The following ABCA13 variants were observed in gnomAD, a reference collection of about 807,000 sequenced individuals.
ABCA13 encodes ATP-binding cassette sub-family A member 13.
ABCA13 carries 476 observed loss-of-function variants against 478.7 expected under a neutral mutation model. The ratio of observed to expected loss-of-function variants is 0.99; its 90% CI spans 0.92 to 1.07. The LOEUF is 1.07. Among genes scored for constraint, ABCA13 ranks in the 50% least tolerant of loss-of-function variants. The pLI is 0.00. For missense variants in ABCA13, 6,060 were observed against 5,910.6 expected (o/e 1.03, Z -0.83); for synonymous variants, 2,252 against 2,158.9 (o/e 1.04, Z -1.20).
At chr7:48,385,264 G>A (rs1815005900) in intron 35 of ABCA13, among the ~76,000 whole-genome samples, 1 of 152,138 alleles carries the variant, frequency 6.6e-6, no homozygotes, top group African/African-American at 2.4e-5. Context: ...GTACCCATCA[G>A]TTATTTTTTC....
At chr7:48,193,794 A>G (rs144495862) in intron 2 of ABCA13, among the ~76,000 whole-genome samples, 42,694 of 143,008 alleles carry the variant, frequency 0.3, 6,687 homozygotes, top group East Asian at 0.51. Flanking sequence ...TAGTAATAAT[A>G]ATGGAGATGA....
chr7:48,534,881 C>CT (rs1833466376), intron 55 of ABCA13, among the ~76,000 whole-genome samples: 2 of 152,100 alleles, frequency 1.3e-5, no homozygotes, highest in African/African-American at 4.8e-5. Flanking sequence ...TTTATGGTAT[C>CT]TATTACACTG....
In ABCA13 at chr7:48,622,277, C is replaced by A. The variant is rs529204314; in HGVS notation, c.14837+6900C>A. On this transcript the variant is annotated intron_variant, in intron 59 of 61. Coordinates refer to ENST00000435803, the MANE Select transcript of ABCA13 (RefSeq NM_152701.5). ...ATTATTATTTGTTCTTTCTGCCGAA[C>A]CTTCTCTCTCCTAATCCATTCTCTA... Among the ~76,000 whole-genome samples, 4 of 152,276 alleles carry A rather than the reference C, an allele frequency of 2.6e-5. No homozygotes were observed. In the South Asian group the frequency reaches 6.2e-4, roughly 24 times the overall value.
intron 31 of ABCA13, among the ~76,000 whole-genome samples, chr7:48,360,196 C>T (rs1289742151): frequency 6.8e-6 from 1 of 147,048 alleles, no homozygotes; most frequent in African/African-American, 2.6e-5. Context: ...CCCCCTCCCC[C>T]ACCCCATGAC....
intron 35 of ABCA13, among the ~76,000 whole-genome samples, chr7:48,381,828 A>G (rs1814435250): frequency 6.6e-6 from 1 of 152,204 alleles, no homozygotes; most frequent in Non-Finnish European, 1.5e-5. Context: ...TAATGTGCCC[A>G]ATTACATCTG....
rs1220248391 is a variant in ABCA13 at position 48,272,112 on chromosome 7, CCA to C, written c.2447_2448del (p.Pro816GlnfsTer13). 1.2e-6 allele frequency: 2 copies of C among 1,613,292 alleles called. No individual in the cohort carries two copies. The highest frequency in any genetic ancestry group is 2.7e-5 in the African/African-American group (2 of 74,852). Reference sequence around the variant, plus strand: ...CGGAAGTCACTGGATAAGGAAGGAACCAAAAAATCTTTTGAGATTCATAGAAT... The same window carrying C: ...CGGAAGTCACTGGATAAGGAAGGAACAAAAATCTTTTGAGATTCATAGAAT... ...TLGSHWIRKEPKNLLRFIELI... is the reference protein window; with the variant it reads ...TLGSHWIRKEXKNLLRFIELI... On this transcript the variant is annotated frameshift_variant, in exon 17 of 62. Transcript: ENST00000435803. LOFTEE classifies it high-confidence loss of function.
chr7:48,465,833 T>C (rs76088951), intron 43 of ABCA13, among the ~76,000 whole-genome samples: 17,505 of 152,008 alleles, frequency 0.12, 1,202 homozygotes, highest in Admixed American at 0.16. Flanking sequence ...CCTCTTTCTC[T>C]CCCCTATTCT....
chr7:48,244,887 TA>T (rs1791432878), intron 11 of ABCA13, among the ~76,000 whole-genome samples, 184 bp downstream of exon 11: 1 of 152,310 alleles, frequency 6.6e-6, no homozygotes, highest in Admixed American at 6.5e-5. Flanking sequence ...ACACCAAGGC[TA>T]AATAAACAAT....
chr7:48,592,859 C>G (rs1413235639), intron 57 of ABCA13, among the ~76,000 whole-genome samples: 1 of 151,838 alleles, frequency 6.6e-6, no homozygotes, highest in Non-Finnish European at 1.5e-5. Flanking sequence ...TGACTTAAAG[C>G]ATATTTTGTG....
intron 38 of ABCA13, among the ~76,000 whole-genome samples, chr7:48,400,798 G>A (rs954763330): frequency 2.0e-5 from 3 of 152,236 alleles, no homozygotes; most frequent in Non-Finnish European, 4.4e-5. Context: ...TCCTAGGAAT[G>A]TGTCATTCTG....
chr7:48,620,099 A>G, intron 59 of ABCA13, among the ~76,000 whole-genome samples: 1 of 152,194 alleles, frequency 6.6e-6, no homozygotes, highest in East Asian at 1.9e-4. Flanking sequence ...TCCATGATGC[A>G]GTCACTTTTG....
intron 33 of ABCA13, 109 bp from the exon 34 acceptor site, chr7:48,374,238 C>A: frequency 1.1e-6 from 1 of 951,436 alleles, no homozygotes; most frequent in Non-Finnish European, 1.6e-6. Flanking sequence ...TGGGCGTCAT[C>A]AGAATGAAAA....
chr7:48,475,550 C>T (rs988427854), intron 45 of ABCA13, among the ~76,000 whole-genome samples: 3 of 142,074 alleles, frequency 2.1e-5, no homozygotes, highest in African/African-American at 7.4e-5. Context: ...ACTGCCACCT[C>T]CGCCTTCTGG....
intron 29 of ABCA13, among the ~76,000 whole-genome samples, chr7:48,344,305 A>G (rs1377980491): frequency 6.6e-6 from 1 of 152,204 alleles, no homozygotes; most frequent in Non-Finnish European, 1.5e-5. Flanking sequence ...TTATGTGCCC[A>G]AAGTGTCTGT....
rs1033365995 is a variant in ABCA13 at position 48,229,836 on chromosome 7, C to A, written c.644C>A (p.Ser215Tyr). The A allele has an allele frequency of 8.7e-6, 14 of 1,613,936 alleles. No homozygotes were observed. Among genetic ancestry groups the A allele is most frequent in the South Asian group, 3.3e-5 (3 of 91,076 alleles). ...LLQTILNSLI[S>Y]LEDLDWLPLN... The stretch of plus-strand genomic sequence containing the variant: ...TGTTTTGGTTCTAGTTCCTTAATAT[C>A]CCTAGAAGATTTAGATTGGCTTCCA... The change falls in exon 7 of 62, where the codon TCC becomes TAC. Residue 215 changes from serine to tyrosine, a missense_variant. This residue lies in a region of ABCA13 where 4,423 missense variants were observed against 4,309.1 expected (regional missense o/e 1.03). Transcript: ENST00000435803.
In ABCA13 at chr7:48,421,822, A is replaced by C. The variant is rs534114483; in HGVS notation, c.12460-5944A>C. Among the ~76,000 whole-genome samples the C allele has an allele frequency of 2.0e-5, 3 of 152,192 alleles. 1 individual carries two copies. On this transcript the variant is annotated intron_variant, in intron 41 of 61. Coordinates refer to ENST00000435803, the MANE Select transcript of ABCA13 (RefSeq NM_152701.5). The stretch of plus-strand genomic sequence containing the variant: ...ATCTCTAATTCCAATCCAATTACAC[A>C]GCATTCATTTAGTGTTTCCTCTTGC...
At chr7:48,195,924 G>A (rs1797865069) in intron 2 of ABCA13, among the ~76,000 whole-genome samples, 1 of 152,058 alleles carries the variant, frequency 6.6e-6, no homozygotes, top group South Asian at 2.1e-4. Flanking sequence ...ATAGGATGAG[G>A]AGGGCCAGGC....
At chr7:48,441,067 C>G (rs1382639299) in intron 42 of ABCA13, among the ~76,000 whole-genome samples, 2 of 152,106 alleles carry the variant, frequency 1.3e-5, no homozygotes, top group African/African-American at 4.8e-5. Flanking sequence ...TGCATTAAAA[C>G]AAATTTGATA....
chr7:48,382,188 C>G (rs1267783988), intron 35 of ABCA13, among the ~76,000 whole-genome samples: 1 of 152,180 alleles, frequency 6.6e-6, no homozygotes, highest in African/African-American at 2.4e-5. Flanking sequence ...AGTTACAGTG[C>G]CTTTGTAACT....
Sources: allele counts gnomAD v4.1 joint callset (sites outside exome capture counted in the v4.1 genomes callset), GRCh38; gene constraint gnomAD v4.1.1; regional missense constraint gnomAD v4.1.1; transcripts MANE v1.5; gene names NCBI Gene and HGNC (gene_info 2026-07-23, HGNC 2026-07-21).